ERBB4: variants seen among roughly 807,000 people sequenced by gnomAD.
The protein encoded by ERBB4 is erb-b2 receptor tyrosine kinase 4, also known as receptor tyrosine-protein kinase erbB-4.
ERBB4 carries 42 observed loss-of-function variants against 158.0 expected under a neutral mutation model. The ratio of observed to expected loss-of-function variants is 0.27; its 90% CI spans 0.21 to 0.34. The LOEUF (loss-of-function observed/expected upper bound fraction) is 0.34. Ranked by LOEUF, ERBB4 falls within the 10% of genes least tolerant of loss-of-function variation. The probability of loss-of-function intolerance (pLI) is 1.00; values close to 1 mark genes in which losing one functional copy is unlikely to be tolerated. For missense variants in ERBB4, 1,333 were observed against 1,624.1 expected, an observed-to-expected ratio of 0.82 and a Z score of 3.08; for synonymous variants, 583 against 558.7, an observed-to-expected ratio of 1.04 and a Z score of -0.61.
intron 13 of ERBB4, 79 bp from the exon 14 acceptor site, chr2:211,673,336 T>G: frequency 2.0e-6 from 2 of 983,488 alleles, no homozygotes; most frequent in Non-Finnish European, 3.3e-6. Context: ...CTGCTAAAAG[T>G]CCTATTGGCA....
chr2:211,734,749 T>A (rs904361130), intron 5 of ERBB4, among the ~76,000 whole-genome samples: 5 of 149,562 alleles, frequency 3.3e-5, no homozygotes, highest in African/African-American at 7.4e-5. Context: ...TGAAACCCCA[T>A]CTCTACTGAA....
chr2:211,481,838 G>A (rs1287326689), intron 20 of ERBB4, among the ~76,000 whole-genome samples: 1 of 152,150 alleles, frequency 6.6e-6, no homozygotes, highest in Non-Finnish European at 1.5e-5. Context: ...GGAGCAACAT[G>A]TTGATTTACT....
chr2:212,159,253 T>C (rs1346092149), intron 1 of ERBB4, among the ~76,000 whole-genome samples: 1 of 128,658 alleles, frequency 7.8e-6, no homozygotes, highest in Non-Finnish European at 1.7e-5. Context: ...TAAACCGTGG[T>C]GTGTGTTTTT....
intron 3 of ERBB4, among the ~76,000 whole-genome samples, chr2:211,836,804 C>T (rs890525525): frequency 7.9e-5 from 12 of 151,550 alleles, no homozygotes; most frequent in African/African-American, 2.7e-4. Flanking sequence ...TATAATATTT[C>T]GGTAATATTA....
At chr2:211,655,317 C>T (rs1344556969) in intron 16 of ERBB4, among the ~76,000 whole-genome samples, 1 of 152,116 alleles carries the variant, frequency 6.6e-6, no homozygotes, top group Non-Finnish European at 1.5e-5. Flanking sequence ...TTCTCTCACC[C>T]TCAAGGTTTG....
At chr2:211,732,585 T>A (rs984199693) in intron 5 of ERBB4, among the ~76,000 whole-genome samples, 1 of 152,150 alleles carries the variant, frequency 6.6e-6, no homozygotes. Flanking sequence ...CAAAATGCAA[T>A]AACCTCTGTC....
chr2:211,784,807 A>G (rs1477797418), intron 4 of ERBB4, among the ~76,000 whole-genome samples: 1 of 151,986 alleles, frequency 6.6e-6, no homozygotes, highest in African/African-American at 2.4e-5. Context: ...GGGAGACAAT[A>G]TCTTATTGTG....
chr2:211,771,444 T>C (rs1243385176), intron 4 of ERBB4, among the ~76,000 whole-genome samples: 1 of 152,208 alleles, frequency 6.6e-6, no homozygotes, highest in African/African-American at 2.4e-5. Flanking sequence ...GAGGAGTTAA[T>C]CTTTGAGACA....
At chr2:211,921,526 A>G (rs1350892571) in intron 3 of ERBB4, among the ~76,000 whole-genome samples, 2 of 152,118 alleles carry the variant, frequency 1.3e-5, no homozygotes, top group Admixed American at 1.3e-4. Context: ...CATTCAACAA[A>G]TTTGCATCAT....
At chr2:212,084,640 G>A (rs946294347) in intron 2 of ERBB4, among the ~76,000 whole-genome samples, 7 of 151,966 alleles carry the variant, frequency 4.6e-5, no homozygotes, top group African/African-American at 1.2e-4. Context: ...TGAGATAGTC[G>A]TAGGTTTGAA....
At chr2:211,715,092 G>A (rs555424543) in intron 7 of ERBB4, among the ~76,000 whole-genome samples, 2 of 152,134 alleles carry the variant, frequency 1.3e-5, no homozygotes, top group South Asian at 4.2e-4. Flanking sequence ...CTTACCAACG[G>A]GTATAATTCT....
chr2:211,448,218 C>T, intron 20 of ERBB4, among the ~76,000 whole-genome samples: 1 of 152,188 alleles, frequency 6.6e-6, no homozygotes, highest in African/African-American at 2.4e-5. Flanking sequence ...AGTGATCCAC[C>T]CGCCTCAGCC....
chr2:212,002,213 C>T (rs936455501), intron 2 of ERBB4, among the ~76,000 whole-genome samples: 7 of 151,826 alleles, frequency 4.6e-5, no homozygotes, highest in African/African-American at 1.7e-4. Context: ...CAAAATATAC[C>T]AAAAGTTTCC....
In ERBB4 at chr2:212,276,302, T is replaced by C. The variant is rs142284350; in HGVS notation, c.83-151399A>G. ...TTTAGATATCTGTTCATAAAGAATA[T>C]AGTCATAAAGACTATATTACTATCT... On this transcript the variant is annotated intron_variant, in intron 1 of 27. Coordinates refer to ENST00000342788, the MANE Select transcript of ERBB4 (RefSeq NM_005235.3). Among the ~76,000 whole-genome samples, 797 of 151,910 alleles carry C rather than the reference T, an allele frequency of 5.2e-3. 11 individuals carry two copies. The highest frequency in any genetic ancestry group is 0.017 in the African/African-American group (723 of 41,482).
chr2:212,003,593 A>G (rs1401357353), intron 2 of ERBB4, among the ~76,000 whole-genome samples: 1 of 152,172 alleles, frequency 6.6e-6, no homozygotes, highest in African/African-American at 2.4e-5. Context: ...TACAATCCCC[A>G]TCTCCTCCCC....
At chr2:212,098,874 T>C (rs900119552) in intron 2 of ERBB4, among the ~76,000 whole-genome samples, 1 of 152,170 alleles carries the variant, frequency 6.6e-6, no homozygotes, top group Non-Finnish European at 1.5e-5. Flanking sequence ...TCAGGAATGA[T>C]GCAGAAATAA....
intron 2 of ERBB4, among the ~76,000 whole-genome samples, chr2:212,069,954 A>AAAAAAAG (rs1356152278): frequency 7.6e-6 from 1 of 130,916 alleles, no homozygotes; most frequent in Non-Finnish European, 1.7e-5. Context: ...CCATGTCTTA[A>AAAAAAAG]AAAAAAGAAA....
chr2:212,244,698 A>C (rs1047990344), intron 1 of ERBB4, among the ~76,000 whole-genome samples: 2 of 152,184 alleles, frequency 1.3e-5, no homozygotes, highest in Non-Finnish European at 2.9e-5. Context: ...GCACCAAAGC[A>C]AAGAAAATAT....
intron 1 of ERBB4, among the ~76,000 whole-genome samples, chr2:212,264,564 T>A (rs2085061265): frequency 6.6e-6 from 1 of 152,092 alleles, no homozygotes; most frequent in Non-Finnish European, 1.5e-5. Context: ...TGGTCAAAAT[T>A]ATCAAGATAG....
Sources: allele counts gnomAD v4.1 joint callset (sites outside exome capture counted in the v4.1 genomes callset), GRCh38; gene constraint gnomAD v4.1.1; transcripts MANE v1.5; gene names NCBI Gene and HGNC (gene_info 2026-07-23, HGNC 2026-07-21).